Variants in PLAC8 observed in about 807,000 individuals in gnomAD.
PLAC8 encodes placenta-specific gene 8 protein.
In PLAC8, 6 loss-of-function variants were observed where a neutral mutation model predicts 12.6. The ratio of observed to expected loss-of-function variants is 0.48; its 90% confidence interval spans 0.26 to 0.94. The LOEUF is 0.94. Ranked by LOEUF, PLAC8 falls within the 40% of genes least tolerant of loss-of-function variation. PLAC8 has a pLI of 0.14. For missense variants in PLAC8, 122 were observed against 152.7 expected, an observed-to-expected ratio of 0.80 and a Z score of 1.06; for synonymous variants, 54 against 52.6, an observed-to-expected ratio of 1.03 and a Z score of -0.11.
At chr4:83,104,664 T>G (rs1732192953) in intron 3 of PLAC8, among the ~76,000 whole-genome samples, 1 of 152,204 alleles carries the variant, frequency 6.6e-6, no homozygotes, top group African/African-American at 2.4e-5. Context: ...TTCCATGGTA[T>G]GACATCCATT....
intron 3 of PLAC8, among the ~76,000 whole-genome samples, chr4:83,097,573 T>C (rs980471938): frequency 6.6e-6 from 1 of 152,170 alleles, no homozygotes; most frequent in South Asian, 2.1e-4. Context: ...TGGGGACATA[T>C]GGAGAGCCAT....
rs571532718 is a variant in PLAC8, at chr4:83,094,609, A to T, written c.*9+69T>A. The T allele has an allele frequency of 7.4e-6, 6 of 806,434 alleles. No homozygotes were observed. The Admixed American group carries it at 1.5e-4, about 20-fold the overall frequency. 50.0% of individuals were successfully genotyped at this position (806,434 alleles called of 1,614,324 possible). ...GCTGAATTATTCAAAACAACAAATA[A>T]TTGACAAAGTCTTTAGTGATATTTC... On this transcript the variant is annotated intron_variant, in intron 4 of 4. Transcript: ENST00000311507.
chr4:83,091,367 G>A lies in PLAC8; in HGVS notation c.*10-396C>T, dbSNP rs867137358. On this transcript the variant is annotated intron_variant, in intron 4 of 4. Transcript: ENST00000311507. Reference sequence around the variant, plus strand: ...TGATGACCCTGACAGTTTTCAGGAGGAGTAGTCAGGTATTTTGTGGAATGT... The same window carrying A: ...TGATGACCCTGACAGTTTTCAGGAGAAGTAGTCAGGTATTTTGTGGAATGT... Among the ~76,000 whole-genome samples the A allele has an allele frequency of 7.9e-5, 12 of 152,282 alleles. No homozygotes were observed. In the Middle Eastern group the frequency reaches 0.02, roughly 259 times the overall value.
chr4:83,091,815 TC>T (rs1731814247), intron 4 of PLAC8, among the ~76,000 whole-genome samples: 1 of 152,190 alleles, frequency 6.6e-6, no homozygotes, highest in Non-Finnish European at 1.5e-5. Flanking sequence ...TTCCCAGTTT[TC>T]CCTGCTTTCA....
intron 2 of PLAC8, among the ~76,000 whole-genome samples, chr4:83,107,029 G>A (rs1732258367): frequency 6.6e-6 from 1 of 152,046 alleles, no homozygotes; most frequent in Non-Finnish European, 1.5e-5. Flanking sequence ...GTGAAACCTT[G>A]TCTCTACTAA....
chr4:83,113,731 G>A (rs2126145133), intron 1 of PLAC8, among the ~76,000 whole-genome samples: 1 of 152,270 alleles, frequency 6.6e-6, no homozygotes, highest in Admixed American at 6.5e-5. Flanking sequence ...AGTGAAATGG[G>A]AATCTTGGTG....
At chr4:83,102,265 C>G (rs1224223081) in intron 3 of PLAC8, among the ~76,000 whole-genome samples, 1 of 152,088 alleles carries the variant, frequency 6.6e-6, no homozygotes, top group Non-Finnish European at 1.5e-5. Context: ...GGTGTGGTGG[C>G]TCACAGCTGT....
At chr4:83,100,333 G>A (rs1209762289) in intron 3 of PLAC8, among the ~76,000 whole-genome samples, 1 of 151,278 alleles carries the variant, frequency 6.6e-6, no homozygotes, top group Non-Finnish European at 1.5e-5. Context: ...TCCTGCTCCA[G>A]TCATGTGAAG....
At chr4:83,107,614 C>T (rs1219283623) in intron 2 of PLAC8, among the ~76,000 whole-genome samples, 190 bp downstream of exon 2, 1 of 40,526 alleles carries the variant, frequency 2.5e-5, no homozygotes, top group Non-Finnish European at 6.1e-5. Flanking sequence ...GTTATCCATA[C>T]GGAGGCTTTT....
Position 83,104,896 on chromosome 4 carries a change from A to G in PLAC8, c.243T>C (p.Pro81=). ...RTLYRTRYGI[P]GSICDDYMAT... is the part of the protein sequence containing the mutation. ...TGAGATGGTATGGTAAGAGACTCACAGGGATGCCATATCGGGTCCTGTAGA... is the reference window on the plus strand; with the variant it reads ...TGAGATGGTATGGTAAGAGACTCACGGGGATGCCATATCGGGTCCTGTAGA... Residue 81 remains proline (P), a splice_region_variant and synonymous_variant, in exon 3 of 5, where the codon CCT becomes CCC. Coordinates refer to ENST00000311507, the MANE Select transcript of PLAC8 (RefSeq NM_016619.3). The G allele has an allele frequency of 6.2e-7, 1 of 1,613,952 alleles. No individual in the cohort carries two copies. Among genetic ancestry groups the G allele is most frequent in the Non-Finnish European group, 8.5e-7 (1 of 1,179,838 alleles).
At chr4:83,105,045 A>G in intron 2 of PLAC8, 25 bp from the exon 3 acceptor site, 3 of 1,613,846 alleles carry the variant, frequency 1.9e-6, no homozygotes, top group African/African-American at 2.7e-5. Flanking sequence ...CCAGGGGTAC[A>G]TATTACTCCA....
At chr4:83,102,263 G>A (rs892901225) in intron 3 of PLAC8, among the ~76,000 whole-genome samples, 2 of 152,128 alleles carry the variant, frequency 1.3e-5, no homozygotes, top group Admixed American at 6.5e-5. Context: ...CAGGTGTGGT[G>A]GCTCACAGCT....
At chr4:83,113,540 G>A (rs2126145093) in intron 1 of PLAC8, among the ~76,000 whole-genome samples, 1 of 152,326 alleles carries the variant, frequency 6.6e-6, no homozygotes, top group East Asian at 1.9e-4. Context: ...GCTGGATTTG[G>A]TAAGGGCTAA....
In PLAC8 at chr4:83,113,664, A is replaced by T. The variant is rs992117768; in HGVS notation, c.-30+1002T>A. Among the ~76,000 whole-genome samples the T allele has an allele frequency of 5.3e-5, 8 of 151,950 alleles. No individual in the cohort carries two copies. In the East Asian group the frequency reaches 1.2e-3, roughly 22 times the overall value. Reference sequence around the variant, plus strand: ...CCCCACAGGAGCAGAGAGAGTGATTAAAAAAAAGTTGGCAGGGGCCACCTT... The same window carrying T: ...CCCCACAGGAGCAGAGAGAGTGATTTAAAAAAAGTTGGCAGGGGCCACCTT... On this transcript the variant is annotated intron_variant, in intron 1 of 4. Transcript: ENST00000311507.
chr4:83,101,572 TG>T (rs967646657), intron 3 of PLAC8, among the ~76,000 whole-genome samples: 1 of 152,140 alleles, frequency 6.6e-6, no homozygotes, highest in East Asian at 1.9e-4. Context: ...TTGATTAAGG[TG>T]GCTACGCTAA....
rs901872521 is a variant in PLAC8, at chr4:83,103,262, G to A, written c.243+1634C>T. ...ATACAAAAATTAGCTGGGCACGGTGGCGGGTACCTGTAATCTCAGCTACTC... is the reference window on the plus strand; with the variant it reads ...ATACAAAAATTAGCTGGGCACGGTGACGGGTACCTGTAATCTCAGCTACTC... On this transcript the variant is annotated intron_variant, in intron 3 of 4. Coordinates refer to ENST00000311507, the MANE Select transcript of PLAC8 (RefSeq NM_016619.3). 5.3e-5 allele frequency among the ~76,000 whole-genome samples: 8 copies of A among 151,858 alleles called. No individual in the cohort carries two copies. In the East Asian group the frequency reaches 1.2e-3, roughly 22 times the overall value.
intron 3 of PLAC8, among the ~76,000 whole-genome samples, chr4:83,095,257 G>A (rs1018404716): frequency 2.0e-5 from 3 of 152,106 alleles, no homozygotes; most frequent in African/African-American, 7.2e-5. Context: ...TAGGAATAAT[G>A]GGCAACTAGT....
chr4:83,104,643 A>G (rs1203184953), intron 3 of PLAC8, among the ~76,000 whole-genome samples: 1 of 152,216 alleles, frequency 6.6e-6, no homozygotes, highest in Non-Finnish European at 1.5e-5. Context: ...AGTAGATCCT[A>G]AATAAGCCTC....
At chr4:83,105,752 G>T (rs1381413326) in intron 2 of PLAC8, among the ~76,000 whole-genome samples, 6 of 152,184 alleles carry the variant, frequency 3.9e-5, no homozygotes, top group African/African-American at 1.4e-4. Context: ...AGCTTTGATT[G>T]GAACTTGTGT....
Sources: gnomAD v4.1 joint callset for allele counts (sites outside exome capture counted in the v4.1 genomes callset) on GRCh38, gnomAD v4.1.1 for gene constraint, MANE v1.5 for transcripts, NCBI Gene and HGNC (gene_info 2026-07-23, HGNC 2026-07-21) for gene names.